Variants in SNIP1 observed in about 807,000 individuals in gnomAD.
SNIP1 encodes smad nuclear-interacting protein 1.
In SNIP1, 23 loss-of-function variants were observed where a neutral mutation model predicts 37.4. The observed-to-expected ratio is 0.61, with a 90% CI of 0.44 to 0.87. The LOEUF (loss-of-function observed/expected upper bound fraction) is 0.87, where lower values mean the gene tolerates loss of function less well. SNIP1 is among the 40% of genes least tolerant of loss of function. SNIP1 has a pLI of 0.00. For synonymous variants in SNIP1, 174 were observed against 200.0 expected (o/e 0.87, Z 1.10); for missense variants, 459 against 540.4 (o/e 0.85, Z 1.49).
intron 2 of SNIP1, chr1:37,541,545 C>T (rs547394326): frequency 6.6e-6 from 1 of 152,288 alleles, no homozygotes; most frequent in South Asian, 2.1e-4. Context: ...GCCTGTAATC[C>T]TAGCTACTCA....
At chr1:37,546,161 C>G (rs1643235212) in intron 2 of SNIP1, among the ~76,000 whole-genome samples, 1 of 112,422 alleles carries the variant, frequency 8.9e-6, no homozygotes, top group African/African-American at 3.9e-5. Flanking sequence ...CCCCCCCCCG[C>G]TCCCTGCCAT....
At chr1:37,548,152 C>T (rs1287772988) in intron 2 of SNIP1, among the ~76,000 whole-genome samples, 1 of 65,346 alleles carries the variant, frequency 1.5e-5, no homozygotes. Flanking sequence ...GACTCCATAT[C>T]AAAAAAAAAA....
chr1:37,543,666 T>A (rs1643197254), intron 2 of SNIP1, among the ~76,000 whole-genome samples: 1 of 152,000 alleles, frequency 6.6e-6, no homozygotes. Context: ...ACTTATTAAA[T>A]TTTTAATGCA....
At chr1:37,541,767 C>T (rs1643177010) in intron 2 of SNIP1, among the ~76,000 whole-genome samples, 1 of 152,074 alleles carries the variant, frequency 6.6e-6, no homozygotes, top group African/African-American at 2.4e-5. Context: ...TGGCTGAAAC[C>T]ACGGATAGTA....
intron 1 of SNIP1, among the ~76,000 whole-genome samples, chr1:37,553,427 G>A (rs149403375): frequency 1.4e-4 from 21 of 152,110 alleles, no homozygotes; most frequent in Middle Eastern, 3.4e-3. Context: ...TTTTTATCAT[G>A]TCTCAGGGTT....
In SNIP1 at chr1:37,536,778, T is replaced by C. The variant is rs1458679995; in HGVS notation, c.*970A>G. On this transcript the variant is annotated 3_prime_UTR_variant, in exon 4 of 4. Coordinates refer to ENST00000296215, the MANE Select transcript of SNIP1 (RefSeq NM_024700.4). ...TGGGAAATTCCCCTGCTTTCCAACCTTGGGAAGGTAAATACAACCTCTCTC... is the reference window on the plus strand; with the variant it reads ...TGGGAAATTCCCCTGCTTTCCAACCCTGGGAAGGTAAATACAACCTCTCTC... The C allele has an allele frequency of 2.6e-5, 4 of 152,224 alleles. No individual in the cohort carries two copies. Among genetic ancestry groups the C allele is most frequent in the Admixed American group, 2.0e-4 (3 of 15,284 alleles). The allele number at this position is 152,224 out of a possible 1,614,324, so 9.4% of individuals were successfully genotyped here.
chr1:37,553,484 C>T (rs1643326697), intron 1 of SNIP1, among the ~76,000 whole-genome samples: 1 of 152,224 alleles, frequency 6.6e-6, no homozygotes, highest in African/African-American at 2.4e-5. Flanking sequence ...AACTGAATCA[C>T]CCTTGCAGCC....
chr1:37,540,630 T>C lies in SNIP1; in HGVS notation c.453A>G (p.Arg151=). The change falls in exon 3 of 4, where the codon AGA becomes AGG. Residue 151 remains arginine, a synonymous_variant. Transcript: ENST00000296215. The surrounding 1 kb of genome is among the most constrained non-coding windows in gnomAD (Gnocchi z 5.6). ...CACTCCCAGGCCTCTCGTTAGACGTTCTCCTTTGGTGGGAATGGCCCCGGT... is the reference window on the plus strand; with the variant it reads ...CACTCCCAGGCCTCTCGTTAGACGTCCTCCTTTGGTGGGAATGGCCCCGGT... ...DRHRGHSHQR[R]TSNERPGSGQ... The C allele has an allele frequency of 6.2e-7, 1 of 1,614,084 alleles. No homozygotes were observed. The highest frequency in any genetic ancestry group is 8.5e-7 in the Non-Finnish European group (1 of 1,180,018).
In SNIP1 at chr1:37,536,650, G is replaced by C. The variant is rs41267305; in HGVS notation, c.*1098C>G. ...CATTGTCATATGAAAATCAGTATCA[G>C]CTCTTTAACACACAATTTACATATA... On this transcript the variant is annotated 3_prime_UTR_variant, in exon 4 of 4. Transcript: ENST00000296215. 0.051 allele frequency: 7,766 copies of C among 152,576 alleles called. 289 individuals carry two copies. The highest frequency in any genetic ancestry group is 0.077 in the Non-Finnish European group (5,220 of 68,016). 9.5% of individuals were successfully genotyped at this position (152,576 alleles called of 1,614,324 possible).
At position 37,554,122 on chromosome 1, in the gene SNIP1, T is replaced by G; in HGVS notation, c.108A>C (p.Pro36=). The change falls in exon 1 of 4, where the codon CCA becomes CCC. Residue 36 remains proline (P), a synonymous_variant. Coordinates refer to ENST00000296215, the MANE Select transcript of SNIP1 (RefSeq NM_024700.4). ...GVVVKQERLS[P]EVAPPAHRRP... is the part of the protein sequence containing the mutation. Reference sequence around the variant, plus strand: ...GGCGGTGGGCGGGAGGTGCGACTTCTGGGCTGAGACGCTCCTGCTTCACCA... The same window carrying G: ...GGCGGTGGGCGGGAGGTGCGACTTCGGGGCTGAGACGCTCCTGCTTCACCA... 6.2e-7 allele frequency: 1 copy of G among 1,612,844 alleles called. No homozygotes were observed. The highest frequency in any genetic ancestry group is 8.5e-7 in the Non-Finnish European group (1 of 1,179,584).
chr1:37,538,280 G>A (rs866308081), intron 3 of SNIP1, among the ~76,000 whole-genome samples: 4 of 152,056 alleles, frequency 2.6e-5, no homozygotes, highest in African/African-American at 9.7e-5. Flanking sequence ...AGGCCGAGAC[G>A]GGCGGATCAC....
chr1:37,553,963 T>C (rs779342717), intron 1 of SNIP1, 43 bp downstream of exon 1: 37 of 1,541,984 alleles, frequency 2.4e-5, no homozygotes, highest in Non-Finnish European at 3.0e-5. Flanking sequence ...CCTTTCTGAA[T>C]GAGCCCAACC....
In SNIP1 at chr1:37,546,105, T is replaced by C. The variant is rs1273818779; in HGVS notation, c.328-5350A>G. 2.0e-5 allele frequency among the ~76,000 whole-genome samples: 3 copies of C among 150,864 alleles called. No homozygotes were observed. The East Asian group carries it at 5.9e-4, about 30-fold the overall frequency. ...TTGAGCATCCATGTTCATTGCAGCA[T>C]TATTCGCAATACCCTAAAAGTGGAA... On this transcript the variant is annotated intron_variant, in intron 2 of 3. Transcript: ENST00000296215.
chr1:37,546,904 C>A (rs554367907), intron 2 of SNIP1, among the ~76,000 whole-genome samples: 48 of 152,300 alleles, frequency 3.2e-4, no homozygotes, highest in Admixed American at 2.2e-3. Context: ...ATCACTCTAT[C>A]CTCAACACAC....
Position 37,540,495 on chromosome 1 carries a change from A to G in SNIP1, c.588T>C (p.Gly196=). The part of the protein sequence containing the change: ...RREHRQRNDV[G]GGGSESQELV... The stretch of plus-strand genomic sequence containing the variant: ...ACTCCTGAGACTCACTGCCGCCACC[A>G]CCAACGTCATTCCTCTGGCGATGCT... Residue 196 remains glycine, a synonymous_variant, in exon 3 of 4, where the codon GGT becomes GGC. Transcript: ENST00000296215. This position sits in a 1 kb window ranked among gnomAD's most constrained non-coding sequence, Gnocchi z 5.6. The G allele has an allele frequency of 6.2e-7, 1 of 1,614,038 alleles. No homozygotes were observed. Among genetic ancestry groups the G allele is most frequent in the Non-Finnish European group, 8.5e-7 (1 of 1,179,998 alleles).
In SNIP1 at chr1:37,554,281, T is replaced by A; in HGVS notation, c.-52A>T. The A allele has an allele frequency of 6.6e-7, 1 of 1,519,112 alleles. No homozygotes were observed. Among genetic ancestry groups the A allele is most frequent in the Non-Finnish European group, 8.9e-7 (1 of 1,128,756 alleles). 94.1% of individuals were successfully genotyped at this position (1,519,112 alleles called of 1,614,324 possible). On this transcript the variant is annotated 5_prime_UTR_variant, in exon 1 of 4. Coordinates refer to ENST00000296215, the MANE Select transcript of SNIP1 (RefSeq NM_024700.4). ...AACAGATCAGTTGAGCTCCTCTAGC[T>A]GGAGGAAATGACGAGTTTAACTCCT...
In SNIP1 at chr1:37,535,239, T is replaced by TATAA. The variant is rs370386634; in HGVS notation, c.*2508_*2509insTTAT. ...AAATAAAAAATAAAAATTATATATATAAATTAGCCAGGCTTGGTGACAGGT... is the reference window on the plus strand; with the variant it reads ...AAATAAAAAATAAAAATTATATATATATAAAAATTAGCCAGGCTTGGTGACAGGT... On this transcript the variant is annotated 3_prime_UTR_variant, in exon 4 of 4. Coordinates refer to ENST00000296215, the MANE Select transcript of SNIP1 (RefSeq NM_024700.4). The TATAA allele has an allele frequency of 7.4e-5, 8 of 108,648 alleles. 2 individuals carry two copies. Among genetic ancestry groups the TATAA allele is most frequent in the African/African-American group, 1.6e-4 (4 of 25,384 alleles). The allele number at this position is 108,648 out of a possible 1,614,324, so 6.7% of individuals were successfully genotyped here.
In SNIP1 at chr1:37,536,269, A is replaced by G. The variant is rs879940451; in HGVS notation, c.*1479T>C. 6 of 152,210 alleles carry G rather than the reference A, an allele frequency of 3.9e-5. No individual in the cohort carries two copies. The highest frequency in any genetic ancestry group is 4.8e-5 in the African/African-American group (2 of 41,452). 9.4% of individuals were successfully genotyped at this position (152,210 alleles called of 1,614,324 possible). Reference sequence around the variant, plus strand: ...GTATAAAAACAATGGAAAACAATCAAATTTAATAGTATCCTAAGTCTCAAC... The same window carrying G: ...GTATAAAAACAATGGAAAACAATCAGATTTAATAGTATCCTAAGTCTCAAC... On this transcript the variant is annotated 3_prime_UTR_variant, in exon 4 of 4. Coordinates refer to ENST00000296215, the MANE Select transcript of SNIP1 (RefSeq NM_024700.4).
intron 2 of SNIP1, among the ~76,000 whole-genome samples, chr1:37,549,247 G>T (rs1054843755): frequency 2.6e-5 from 4 of 152,082 alleles, no homozygotes; most frequent in African/African-American, 7.2e-5. Context: ...AAAGAAATAT[G>T]TATAGGATTT....
Sources: allele counts gnomAD v4.1 joint callset (sites outside exome capture counted in the v4.1 genomes callset), GRCh38; gene constraint gnomAD v4.1.1; non-coding constraint Gnocchi (gnomAD v3.1); transcripts MANE v1.5; gene names NCBI Gene and HGNC (gene_info 2026-07-23, HGNC 2026-07-21).